The following SNX30 variants were observed in gnomAD, a reference collection of about 807,000 sequenced individuals.
SNX30 encodes sorting nexin-30.
A neutral mutation model predicts 46.4 loss-of-function variants in SNX30; 24 were observed. The observed-to-expected ratio is 0.52, with a 90% confidence interval of 0.37 to 0.73. The LOEUF (loss-of-function observed/expected upper bound fraction) is 0.73. Ranked by LOEUF, SNX30 falls within the 30% of genes least tolerant of loss-of-function variation. The pLI is 0.00. For missense variants in SNX30, 533 were observed against 555.7 expected (o/e 0.96, Z 0.41); for synonymous variants, 189 against 211.5 (o/e 0.89, Z 0.92).
chr9:112,840,833 G>T (rs748356921), intron 6 of SNX30, among the ~76,000 whole-genome samples: 31 of 149,440 alleles, frequency 2.1e-4, no homozygotes, highest in Non-Finnish European at 3.5e-4. Flanking sequence ...AGGCTGGAGT[G>T]CAGTGGCACG....
At chr9:112,822,179 G>T (rs1047379546) in intron 3 of SNX30, among the ~76,000 whole-genome samples, 1 of 152,118 alleles carries the variant, frequency 6.6e-6, no homozygotes, top group African/African-American at 2.4e-5. Flanking sequence ...CTTCTAAAGT[G>T]CTGGGATTAC....
At chr9:112,792,957 C>T (rs1241353265) in intron 1 of SNX30, among the ~76,000 whole-genome samples, 4 of 148,958 alleles carry the variant, frequency 2.7e-5, no homozygotes, top group African/African-American at 9.9e-5. Context: ...TGGGCTTCAT[C>T]TTTTTCAAAT....
chr9:112,757,891 AG>A (rs1839376016), intron 1 of SNX30, among the ~76,000 whole-genome samples: 1 of 152,140 alleles, frequency 6.6e-6, no homozygotes, highest in Non-Finnish European at 1.5e-5. Context: ...AGGAAGCTCA[AG>A]GGTTGCTGCC....
chr9:112,858,364 T>C (rs1427631372), intron 7 of SNX30, among the ~76,000 whole-genome samples: 1 of 151,864 alleles, frequency 6.6e-6, no homozygotes, highest in East Asian at 1.9e-4. Context: ...CAGATAAAAA[T>C]ATTAGCTGGG....
rs1445726971 is a variant in SNX30, at chr9:112,865,653, ATATATATATGTATG to A, written c.1254+1258_1254+1271del. Among the ~76,000 whole-genome samples the A allele has an allele frequency of 2.6e-3, 285 of 110,426 alleles. 11 individuals carry two copies. The highest frequency in any genetic ancestry group is 0.01 in the African/African-American group (273 of 26,058). 72.4% of individuals were successfully genotyped at this position (110,426 alleles called of 152,430 possible). ...TATATATATATATATATATATATAT[ATATATATATGTATG>A]TATGTATGCACACACACACACACGT... On this transcript the variant is annotated intron_variant, in intron 8 of 8. Coordinates refer to ENST00000374232, the MANE Select transcript of SNX30 (RefSeq NM_001012994.2).
At chr9:112,828,371 C>T (rs1840608651) in intron 3 of SNX30, among the ~76,000 whole-genome samples, 1 of 152,032 alleles carries the variant, frequency 6.6e-6, no homozygotes, top group South Asian at 2.1e-4. Flanking sequence ...TATACCGTAT[C>T]GCCTCGGTGT....
At chr9:112,798,121 C>CTTTTTTTTTTTTTT (rs57300324) in intron 1 of SNX30, among the ~76,000 whole-genome samples, 1 of 77,884 alleles carries the variant, frequency 1.3e-5, no homozygotes, top group African/African-American at 5.1e-5. Context: ...TTTTTTTTTT[C>CTTTTTTTTTTTTTT]TTTTTTTTTT....
At chr9:112,767,232 C>A (rs902286519) in intron 1 of SNX30, among the ~76,000 whole-genome samples, 9 of 151,684 alleles carry the variant, frequency 5.9e-5, no homozygotes, top group Non-Finnish European at 1.5e-5. Flanking sequence ...GCTTATTGGC[C>A]ATTTATATGT....
rs1288965986 is a variant in SNX30, at chr9:112,869,619, T to G, written c.*776T>G. 2 of 150,678 alleles carry G rather than the reference T, an allele frequency of 1.3e-5. No homozygotes were observed. Among genetic ancestry groups the G allele is most frequent in the African/African-American group, 4.9e-5 (2 of 41,224 alleles). The allele number at this position is 150,678 out of a possible 1,614,324, so 9.3% of individuals were successfully genotyped here. A position where few individuals can be genotyped will look rare whatever the true frequency, so the allele number is the denominator to read the frequency against. Reference sequence around the variant, plus strand: ...AAAATGAAAAAAACAAAGTGCTGGTTTTTTTTTTTTTTCTGTGAAGGTCTT... The same window carrying G: ...AAAATGAAAAAAACAAAGTGCTGGTGTTTTTTTTTTTTCTGTGAAGGTCTT... On this transcript the variant is annotated 3_prime_UTR_variant, in exon 9 of 9. Coordinates refer to ENST00000374232, the MANE Select transcript of SNX30 (RefSeq NM_001012994.2).
chr9:112,751,951 T>C (rs1261357444), intron 1 of SNX30, among the ~76,000 whole-genome samples: 4 of 152,146 alleles, frequency 2.6e-5, no homozygotes, highest in African/African-American at 4.8e-5. Flanking sequence ...CCCATGGCCA[T>C]TTCAGCTGTG....
At chr9:112,883,622 G>A (rs944230507), downstream of SNX30, among the ~76,000 whole-genome samples, 3 of 151,626 alleles carry the variant, frequency 2.0e-5, no homozygotes, top group Non-Finnish European at 4.4e-5. Context: ...ATGAACATAG[G>A]GCTGTGGACT....
Position 112,871,796 on chromosome 9 carries a change from A to G in SNX30, c.*2953A>G, listed in dbSNP as rs2131523284. The G allele has an allele frequency of 6.6e-6, 1 of 152,270 alleles. No homozygotes were observed. The highest frequency in any genetic ancestry group is 2.4e-5 in the African/African-American group (1 of 41,556). The allele number at this position is 152,270 out of a possible 1,614,324, so 9.4% of individuals were successfully genotyped here. On this transcript the variant is annotated 3_prime_UTR_variant, in exon 9 of 9. Coordinates refer to ENST00000374232, the MANE Select transcript of SNX30 (RefSeq NM_001012994.2). ...GAGAGCCTTGTGATTTGTAGCAAGC[A>G]TGGGCACTGCTTTTTCTTACTAATG...
rs56856142 is a variant in SNX30, at chr9:112,817,401, C to CTTTTTTT, written c.349-280_349-274dup. Among the ~76,000 whole-genome samples the CTTTTTTT allele has an allele frequency of 2.2e-3, 105 of 46,832 alleles. 31 individuals are homozygous for CTTTTTTT. Among genetic ancestry groups the CTTTTTTT allele is most frequent in the African/African-American group, 6.9e-3 (71 of 10,262 alleles). 30.7% of individuals were successfully genotyped at this position (46,832 alleles called of 152,430 possible). A position where few individuals can be genotyped will look rare whatever the true frequency, so the allele number is the denominator to read the frequency against. Reference sequence around the variant, plus strand: ...CGGTAGGGAAAAAAAAAAAAACTGGCTTTTTTTTTTTTTTTTTTTTTTTTT... The same window carrying CTTTTTTT: ...CGGTAGGGAAAAAAAAAAAAACTGGCTTTTTTTTTTTTTTTTTTTTTTTTTTTTTTTT... On this transcript the variant is annotated intron_variant, in intron 2 of 8. Coordinates refer to ENST00000374232, the MANE Select transcript of SNX30 (RefSeq NM_001012994.2).
intron 1 of SNX30, among the ~76,000 whole-genome samples, chr9:112,755,397 T>G (rs1839332156): frequency 6.6e-6 from 1 of 151,212 alleles, no homozygotes; most frequent in Non-Finnish European, 1.5e-5. Context: ...CATTGGAGAG[T>G]TAAAGGCTGG....
At chr9:112,812,571 G>A (rs1221641561) in intron 2 of SNX30, among the ~76,000 whole-genome samples, 1 of 152,094 alleles carries the variant, frequency 6.6e-6, no homozygotes, top group African/African-American at 2.4e-5. Flanking sequence ...TCCCTTTCAT[G>A]ATAACTTCTT....
intron 6 of SNX30, among the ~76,000 whole-genome samples, chr9:112,848,298 G>A (rs1480647929): frequency 6.6e-6 from 1 of 152,028 alleles, no homozygotes; most frequent in Non-Finnish European, 1.5e-5. Context: ...ACAGCCATAG[G>A]CTGGTTTGAC....
intron 2 of SNX30, among the ~76,000 whole-genome samples, chr9:112,805,993 T>G (rs1840219182): frequency 6.6e-6 from 1 of 152,230 alleles, no homozygotes; most frequent in African/African-American, 2.4e-5. Context: ...TTGTTACTTA[T>G]GAAAATTATT....
At chr9:112,797,902 C>T (rs548777621) in intron 1 of SNX30, among the ~76,000 whole-genome samples, 18 of 133,964 alleles carry the variant, frequency 1.3e-4, no homozygotes, top group African/African-American at 4.2e-4. Context: ...TTAGTAGAGA[C>T]GATTTCACCA....
At chr9:112,784,089 C>A (rs1456246223) in intron 1 of SNX30, among the ~76,000 whole-genome samples, 2 of 152,158 alleles carry the variant, frequency 1.3e-5, no homozygotes, top group African/African-American at 4.8e-5. Context: ...ATGATTCCTC[C>A]TGGTGTGGCC....
Sources: allele counts gnomAD v4.1 joint callset (sites outside exome capture counted in the v4.1 genomes callset), GRCh38; gene constraint gnomAD v4.1.1; transcripts MANE v1.5; gene names NCBI Gene and HGNC (gene_info 2026-07-23, HGNC 2026-07-21).